Variants in PDE3A observed in about 807,000 individuals in gnomAD.
PDE3A encodes phosphodiesterase 3A, also known as cGMP-inhibited 3',5'-cyclic phosphodiesterase 3A.
PDE3A carries 43 observed loss-of-function variants against 98.3 expected under a neutral mutation model. The observed-to-expected ratio is 0.44, with a 90% CI of 0.34 to 0.56. The LOEUF is 0.56. Ranked by LOEUF, PDE3A falls within the 20% of genes least tolerant of loss-of-function variation. The pLI is 0.01. For synonymous variants in PDE3A, 663 were observed against 567.9 expected, an observed-to-expected ratio of 1.17 and a Z score of -2.38; for missense variants, 1,427 against 1,440.7, an observed-to-expected ratio of 0.99 and a Z score of 0.15.
chr12:20,405,236 A>G (rs922529351), intron 1 of PDE3A, among the ~76,000 whole-genome samples: 6 of 151,994 alleles, frequency 3.9e-5, no homozygotes, highest in Non-Finnish European at 5.9e-5. Flanking sequence ...ATGGGTGTCT[A>G]CCTCCAGGGA....
At chr12:20,521,296 T>C (rs1946420762) in intron 1 of PDE3A, among the ~76,000 whole-genome samples, 1 of 152,158 alleles carries the variant, frequency 6.6e-6, no homozygotes, top group African/African-American at 2.4e-5. Context: ...TTCTATGAGA[T>C]AAAATTTGTG....
At chr12:20,563,990 T>G (rs560328142) in intron 2 of PDE3A, among the ~76,000 whole-genome samples, 4 of 152,322 alleles carry the variant, frequency 2.6e-5, no homozygotes, top group African/African-American at 9.6e-5. Flanking sequence ...ACACAGTTTT[T>G]AGCAAATCTA....
At chr12:20,434,779 A>G (rs1944753761) in intron 1 of PDE3A, among the ~76,000 whole-genome samples, 1 of 152,168 alleles carries the variant, frequency 6.6e-6, no homozygotes, top group African/African-American at 2.4e-5. Context: ...GCTTTCCCTT[A>G]TTTGAGTCAA....
At chr12:20,394,696 A>G (rs1474241393) in intron 1 of PDE3A, among the ~76,000 whole-genome samples, 1 of 152,108 alleles carries the variant, frequency 6.6e-6, no homozygotes, top group African/African-American at 2.4e-5. Context: ...AACATGCAAG[A>G]ACTTGAATCT....
At position 20,412,551 on chromosome 12, in the gene PDE3A, C is replaced by T. The variant is rs188867878; in HGVS notation, c.960+42307C>T. Among the ~76,000 whole-genome samples the T allele has an allele frequency of 4.7e-3, 714 of 151,178 alleles. 5 individuals carry two copies. Among genetic ancestry groups the T allele is most frequent in the African/African-American group, 0.016 (678 of 41,438 alleles). ...CATATGTAAGAAAGTGAAAAACCGA[C>T]AGACAGACAAAACCCACCTAAGTCA... On this transcript the variant is annotated intron_variant, in intron 1 of 15. Coordinates refer to ENST00000359062, the MANE Select transcript of PDE3A (RefSeq NM_000921.5).
At chr12:20,478,816 C>T (rs142475654) in intron 1 of PDE3A, among the ~76,000 whole-genome samples, 4 of 152,218 alleles carry the variant, frequency 2.6e-5, no homozygotes, top group Middle Eastern at 3.4e-3. Flanking sequence ...GTAAAATAGT[C>T]ACTCTTTGAC....
At chr12:20,572,135 G>C (rs1481948991) in intron 2 of PDE3A, 1 of 1,279,208 alleles carries the variant, frequency 7.8e-7, no homozygotes, top group African/African-American at 1.5e-5. Flanking sequence ...ACATGGTGAC[G>C]ATATTTTCCA....
At chr12:20,396,105 C>T (rs1389390601) in intron 1 of PDE3A, among the ~76,000 whole-genome samples, 1 of 152,058 alleles carries the variant, frequency 6.6e-6, no homozygotes, top group Non-Finnish European at 1.5e-5. Flanking sequence ...TTTCAAAAAA[C>T]ATACATTCCT....
intron 1 of PDE3A, among the ~76,000 whole-genome samples, chr12:20,392,854 T>A (rs1006203373): frequency 1.3e-5 from 2 of 152,050 alleles, no homozygotes; most frequent in Non-Finnish European, 2.9e-5. Flanking sequence ...GAGGTCATTA[T>A]GTTAGGGAAA....
chr12:20,425,691 T>C (rs1944591650), intron 1 of PDE3A, among the ~76,000 whole-genome samples: 1 of 152,176 alleles, frequency 6.6e-6, no homozygotes, highest in South Asian at 2.1e-4. Context: ...ATAGTTCTAT[T>C]TAAGAGAACT....
intron 2 of PDE3A, among the ~76,000 whole-genome samples, chr12:20,597,695 C>A (rs547275781): frequency 6.6e-6 from 1 of 152,282 alleles, no homozygotes; most frequent in Middle Eastern, 3.4e-3. Context: ...GTACTGGATA[C>A]ACCCACAGGG....
intron 2 of PDE3A, among the ~76,000 whole-genome samples, chr12:20,583,944 G>A (rs1329413832): frequency 1.3e-5 from 2 of 152,172 alleles, no homozygotes; most frequent in Non-Finnish European, 2.9e-5. Context: ...TGACTGATGA[G>A]GGCAGAACTA....
intron 1 of PDE3A, among the ~76,000 whole-genome samples, chr12:20,448,313 C>T (rs1944995440): frequency 6.6e-6 from 1 of 152,192 alleles, no homozygotes; most frequent in East Asian, 1.9e-4. Flanking sequence ...TAGTGCTGGG[C>T]ACCTGTAATT....
At chr12:20,387,381 C>T (rs937110398) in intron 1 of PDE3A, among the ~76,000 whole-genome samples, 1 of 152,022 alleles carries the variant, frequency 6.6e-6, no homozygotes, top group Non-Finnish European at 1.5e-5. Context: ...GCCAGTTTCA[C>T]AATATTGATT....
chr12:20,461,655 G>A (rs1945255160), intron 1 of PDE3A, among the ~76,000 whole-genome samples: 1 of 151,862 alleles, frequency 6.6e-6, no homozygotes, highest in African/African-American at 2.4e-5. Context: ...TTAAGCTTTG[G>A]GCCCAACCCA....
intron 4 of PDE3A, among the ~76,000 whole-genome samples, chr12:20,619,305 TTGAAAA>T (rs1347434312): frequency 6.6e-6 from 1 of 151,932 alleles, no homozygotes; most frequent in Non-Finnish European, 1.5e-5. Flanking sequence ...TTTTGCAAAC[TTGAAAA>T]TGAACACATT....
At position 20,404,738 on chromosome 12, in the gene PDE3A, A is replaced by G. The variant is rs1341140637; in HGVS notation, c.960+34494A>G. Among the ~76,000 whole-genome samples the G allele has an allele frequency of 5.4e-5, 8 of 147,226 alleles. No homozygotes were observed. In the Admixed American group the frequency reaches 5.5e-4, roughly 10 times the overall value. On this transcript the variant is annotated intron_variant, in intron 1 of 15. Coordinates refer to ENST00000359062, the MANE Select transcript of PDE3A (RefSeq NM_000921.5). ...CACCTTATTTATATATGTCTAAATT[A>G]TTTCCTTTCCAGGCATGATTCATAT... is the stretch of plus-strand genomic sequence containing the variant.
At chr12:20,611,549 G>A (rs1943853987) in intron 2 of PDE3A, among the ~76,000 whole-genome samples, 1 of 151,786 alleles carries the variant, frequency 6.6e-6, no homozygotes, top group South Asian at 2.1e-4. Flanking sequence ...TAATGAAAGT[G>A]AAAGTAATAA....
At chr12:20,499,476 T>C (rs916845912) in intron 1 of PDE3A, among the ~76,000 whole-genome samples, 1 of 152,156 alleles carries the variant, frequency 6.6e-6, no homozygotes, top group Non-Finnish European at 1.5e-5. Flanking sequence ...AATTAACAAA[T>C]TGATTTTTAT....
Sources: allele counts gnomAD v4.1 joint callset (sites outside exome capture counted in the v4.1 genomes callset), GRCh38; gene constraint gnomAD v4.1.1; transcripts MANE v1.5; gene names NCBI Gene and HGNC (gene_info 2026-07-23, HGNC 2026-07-21).